The following CDIN1 variants were observed in gnomAD, a reference collection of about 807,000 sequenced individuals.
CDIN1 encodes the protein CDAN1-interacting nuclease 1.
CDIN1 carries 33 observed loss-of-function variants against 45.3 expected under a neutral mutation model. That is an observed-to-expected ratio of 0.73 (90% confidence interval 0.55 to 0.97). The LOEUF is 0.97. Among genes scored for constraint, CDIN1 ranks in the 50% least tolerant of loss-of-function variants. The pLI is 0.00. For synonymous variants in CDIN1, 118 were observed against 124.4 expected, an observed-to-expected ratio of 0.95 and a Z score of 0.34; for missense variants, 303 against 339.4, an observed-to-expected ratio of 0.89 and a Z score of 0.84.
At chr15:36,606,049 C>T (rs1160407979) in intron 1 of CDIN1, among the ~76,000 whole-genome samples, 3 of 151,726 alleles carry the variant, frequency 2.0e-5, no homozygotes, top group Non-Finnish European at 4.4e-5. Context: ...TTTGTTTTGA[C>T]GTGAGTGTTA....
At chr15:36,597,032 T>C (rs922849798) in intron 1 of CDIN1, among the ~76,000 whole-genome samples, 2 of 152,344 alleles carry the variant, frequency 1.3e-5, no homozygotes, top group Admixed American at 6.5e-5. Context: ...TGGCAAGACC[T>C]ATGATTTATT....
At chr15:36,588,813 G>A (rs1268702042) in intron 1 of CDIN1, among the ~76,000 whole-genome samples, 1 of 151,954 alleles carries the variant, frequency 6.6e-6, no homozygotes, top group Non-Finnish European at 1.5e-5. Context: ...TTAGATATTT[G>A]TGCATCTTTG....
At position 36,579,882 on chromosome 15, in the gene CDIN1, T is replaced by C; in HGVS notation, c.22T>C (p.Tyr8His). 1 of 1,613,944 alleles carries C rather than the reference T, an allele frequency of 6.2e-7. No homozygotes were observed. Among genetic ancestry groups the C allele is most frequent in the Non-Finnish European group, 8.5e-7 (1 of 1,179,868 alleles). The change falls in exon 1 of 11, where the codon TAC becomes CAC. Residue 8 changes from tyrosine to histidine, a missense_variant. Physicochemically the swap from Tyr to His is moderately conservative, Grantham distance 83 (BLOSUM62 2). Coordinates refer to ENST00000566621, the MANE Select transcript of CDIN1 (RefSeq NM_001321759.2). ...CAACATGATACTGACCAAAGCTCAGTACGACGAGATAGCCCAGTGCCTAGT... is the reference window on the plus strand; with the variant it reads ...CAACATGATACTGACCAAAGCTCAGCACGACGAGATAGCCCAGTGCCTAGT... MILTKAQ[Y>H]DEIAQCLVSV...
chr15:36,657,927 A>G lies in CDIN1; in HGVS notation c.346+22A>G, dbSNP rs958019408. 11 of 1,585,508 alleles carry G rather than the reference A, an allele frequency of 6.9e-6. No individual in the cohort carries two copies. The African/African-American group carries it at 1.2e-4, about 17-fold the overall frequency. ...CCACGTGAGTTACCCTTTTTTCCTA[A>G]TGGTACTCTTTTACTCCCTTCCCCA... On this transcript the variant is annotated intron_variant, in intron 5 of 10. Transcript: ENST00000566621.
At chr15:36,597,372 CA>C (rs2037886743) in intron 1 of CDIN1, among the ~76,000 whole-genome samples, 5 of 152,172 alleles carry the variant, frequency 3.3e-5, no homozygotes, top group Non-Finnish European at 5.9e-5. Context: ...TTTTGATACA[CA>C]ACCTCTCTAC....
At chr15:36,804,449 C>T (rs2055156573) in intron 10 of CDIN1, 1 of 151,956 alleles carries the variant, frequency 6.6e-6, no homozygotes, top group African/African-American at 2.4e-5. Context: ...CCATCTTGTC[C>T]TTGAGGGTAT....
intron 10 of CDIN1, among the ~76,000 whole-genome samples, chr15:36,789,667 C>G (rs975381635): frequency 6.6e-6 from 1 of 152,150 alleles, no homozygotes; most frequent in East Asian, 1.9e-4. Flanking sequence ...GACATCACAC[C>G]GTGAGTCTCA....
At chr15:36,759,406 C>A (rs55752913) in intron 10 of CDIN1, among the ~76,000 whole-genome samples, 15,246 of 152,140 alleles carry the variant, frequency 0.1, 904 homozygotes, top group Non-Finnish European at 0.14. Context: ...TTCCCTGCAT[C>A]AGCCCCACTT....
At chr15:36,744,664 TGATAAAATAAATCTCTA>T (rs2044356610) in intron 10 of CDIN1, among the ~76,000 whole-genome samples, 1 of 152,182 alleles carries the variant, frequency 6.6e-6, no homozygotes, top group African/African-American at 2.4e-5. Context: ...CAACCACCTG[TGATAAAATAAATCTCTA>T]TAAATGTTTG....
At chr15:36,580,593 A>T (rs2036997555) in intron 1 of CDIN1, among the ~76,000 whole-genome samples, 1 of 152,164 alleles carries the variant, frequency 6.6e-6, no homozygotes, top group Admixed American at 6.5e-5. Context: ...TTCCTCCCCC[A>T]AACACTTCTT....
intron 10 of CDIN1, among the ~76,000 whole-genome samples, chr15:36,765,112 G>A (rs1430340305): frequency 1.4e-5 from 2 of 144,490 alleles, no homozygotes; most frequent in Non-Finnish European, 3.0e-5. Flanking sequence ...CTAGAGTGCA[G>A]TGGTGCGATC....
chr15:36,728,550 CTTT>C (rs373887720), intron 10 of CDIN1, among the ~76,000 whole-genome samples: 30 of 138,900 alleles, frequency 2.2e-4, no homozygotes, highest in Admixed American at 2.9e-4. Flanking sequence ...GTTTTTCTTC[CTTT>C]TTTTTTTTTT....
intron 10 of CDIN1, chr15:36,798,683 C>T (rs945471278): frequency 6.6e-6 from 1 of 152,076 alleles, no homozygotes; most frequent in African/African-American, 2.4e-5. Context: ...AACATCTGAC[C>T]GAACTCTGGG....
intron 10 of CDIN1, chr15:36,734,315 C>T (rs755648117): frequency 7.7e-6 from 3 of 389,370 alleles, no homozygotes; most frequent in South Asian, 6.0e-5. Context: ...TTTGTTCATC[C>T]TTAGAACAAT....
At chr15:36,687,877 C>T (rs1437963818) in intron 5 of CDIN1, among the ~76,000 whole-genome samples, 1 of 151,946 alleles carries the variant, frequency 6.6e-6, no homozygotes, top group Non-Finnish European at 1.5e-5. Flanking sequence ...GTGAAACAAA[C>T]CATATTAATA....
chr15:36,667,845 G>T (rs181289990), intron 5 of CDIN1, among the ~76,000 whole-genome samples: 1 of 152,208 alleles, frequency 6.6e-6, no homozygotes, highest in East Asian at 1.9e-4. Context: ...ATAAAAATAT[G>T]CAGACAATAT....
At chr15:36,637,323 ATG>A (rs2039941890) in intron 1 of CDIN1, among the ~76,000 whole-genome samples, 2 of 152,232 alleles carry the variant, frequency 1.3e-5, no homozygotes, top group Non-Finnish European at 2.9e-5. Context: ...ATCTGCATGA[ATG>A]TGGGTAGGCA....
At chr15:36,793,346 G>C (rs537417590) in intron 10 of CDIN1, among the ~76,000 whole-genome samples, 3 of 152,190 alleles carry the variant, frequency 2.0e-5, no homozygotes, top group South Asian at 4.1e-4. Context: ...TGAGGGTGAG[G>C]GGGAGAGAGC....
chr15:36,695,739 C>T (rs1442176163), intron 7 of CDIN1, among the ~76,000 whole-genome samples: 1 of 151,912 alleles, frequency 6.6e-6, no homozygotes, highest in East Asian at 1.9e-4. Context: ...TCCAGCTACT[C>T]TGGAGGCTGA....
Sources: allele counts gnomAD v4.1 joint callset (sites outside exome capture counted in the v4.1 genomes callset), GRCh38; gene constraint gnomAD v4.1.1; transcripts MANE v1.5; gene names NCBI Gene and HGNC (gene_info 2026-07-23, HGNC 2026-07-21).